Variants in SLC35B4 observed in about 807,000 individuals in gnomAD.
The protein encoded by SLC35B4 is nucleotide sugar transporter SLC35B4.
Under a neutral mutation model 39.5 loss-of-function variants are expected in SLC35B4, and 28 were observed. That is an observed-to-expected ratio of 0.71 (90% CI 0.53 to 0.97). The LOEUF is 0.97. Ranked by LOEUF, SLC35B4 falls within the 50% of genes least tolerant of loss-of-function variation. SLC35B4 has a pLI of 0.00. For synonymous variants in SLC35B4, 145 were observed against 150.4 expected (o/e 0.96, Z 0.26); for missense variants, 334 against 414.3 (o/e 0.81, Z 1.68).
rs979194288 is a variant in SLC35B4 at position 134,292,469 on chromosome 7, G to A, written c.*2364C>T. On this transcript the variant is annotated 3_prime_UTR_variant, in exon 10 of 10. Transcript: ENST00000378509. ...AGACTGGCTGAGGTATTCACGCTGAGATGAATACACATGCTCTAAGACCAG... is the reference window on the plus strand; with the variant it reads ...AGACTGGCTGAGGTATTCACGCTGAAATGAATACACATGCTCTAAGACCAG... The A allele has an allele frequency of 1.3e-5, 2 of 152,144 alleles. No individual in the cohort carries two copies. Among genetic ancestry groups the A allele is most frequent in the South Asian group, 4.1e-4 (2 of 4,830 alleles). The allele number at this position is 152,144 out of a possible 1,614,324, so 9.4% of individuals were successfully genotyped here.
At chr7:134,297,021 A>G (rs1465957728) in intron 8 of SLC35B4, among the ~76,000 whole-genome samples, 1 of 152,218 alleles carries the variant, frequency 6.6e-6, no homozygotes, top group African/African-American at 2.4e-5. Context: ...CCCAGGTTCA[A>G]GTGGTTCTTG....
At chr7:134,303,335 A>G (rs1326374234) in intron 4 of SLC35B4, among the ~76,000 whole-genome samples, 1 of 152,142 alleles carries the variant, frequency 6.6e-6, no homozygotes, top group African/African-American at 2.4e-5. Context: ...CTCTTATAAC[A>G]TGTTCTTTTG....
intron 3 of SLC35B4, among the ~76,000 whole-genome samples, chr7:134,305,214 T>C (rs1450803888): frequency 6.6e-6 from 1 of 151,984 alleles, no homozygotes; most frequent in Non-Finnish European, 1.5e-5. Flanking sequence ...TTCCAGCTAC[T>C]TGGGAGGCTG....
chr7:134,295,151 G>C, intron 9 of SLC35B4, 72 bp from the exon 10 acceptor site: 2 of 1,558,738 alleles, frequency 1.3e-6, no homozygotes, highest in East Asian at 4.5e-5. Flanking sequence ...CTTCTGGCAT[G>C]GTCCCTGGTT....
chr7:134,306,069 C>G (rs1803703115), intron 3 of SLC35B4, among the ~76,000 whole-genome samples: 1 of 152,138 alleles, frequency 6.6e-6, no homozygotes, highest in African/African-American at 2.4e-5. Context: ...ACTATGTTTT[C>G]AATGCTTTGA....
chr7:134,302,643 A>G lies in SLC35B4; in HGVS notation c.345-533T>C, dbSNP rs1159825239. On this transcript the variant is annotated intron_variant, in intron 4 of 9. Coordinates refer to ENST00000378509, the MANE Select transcript of SLC35B4 (RefSeq NM_032826.5). The stretch of plus-strand genomic sequence containing the variant: ...TAACATTGTTTTAAAATGTTGGCAT[A>G]GTTGGATAAGGGGGAGGATATTCAG... Among the ~76,000 whole-genome samples, 5 of 152,164 alleles carry G rather than the reference A, an allele frequency of 3.3e-5. No homozygotes were observed. In the East Asian group the frequency reaches 9.6e-4, roughly 29 times the overall value.
chr7:134,290,416 C>T lies in SLC35B4; in HGVS notation c.*4417G>A, dbSNP rs1226852953. On this transcript the variant is annotated 3_prime_UTR_variant, in exon 10 of 10. Coordinates refer to ENST00000378509, the MANE Select transcript of SLC35B4 (RefSeq NM_032826.5). ...TGAGGGAAGAAGAGATCTTGGCAAGCATTCATTTATTCACATAACATAAGC... is the reference window on the plus strand; with the variant it reads ...TGAGGGAAGAAGAGATCTTGGCAAGTATTCATTTATTCACATAACATAAGC... 2 of 152,328 alleles carry T rather than the reference C, an allele frequency of 1.3e-5. No homozygotes were observed. Among genetic ancestry groups the T allele is most frequent in the East Asian group, 3.9e-4 (2 of 5,170 alleles). The allele number at this position is 152,328 out of a possible 1,614,324, so 9.4% of individuals were successfully genotyped here. A position where few individuals can be genotyped will look rare whatever the true frequency, so the allele number is the denominator to read the frequency against.
intron 3 of SLC35B4, 71 bp from the exon 4 acceptor site, chr7:134,304,925 A>G: frequency 8.5e-7 from 1 of 1,178,564 alleles, no homozygotes; most frequent in Non-Finnish European, 1.3e-6. Context: ...TCGAGAGAAT[A>G]GGAACATGGG....
chr7:134,305,535 G>T (rs1476522166), intron 3 of SLC35B4, among the ~76,000 whole-genome samples: 1 of 152,142 alleles, frequency 6.6e-6, no homozygotes, highest in African/African-American at 2.4e-5. Context: ...AGGGTCAACT[G>T]TAATTGCTCA....
chr7:134,296,600 G>T, intron 8 of SLC35B4, 134 bp from the exon 9 acceptor site: 1 of 624,964 alleles, frequency 1.6e-6, no homozygotes, highest in Non-Finnish European at 2.8e-6. Context: ...ATTGGATCAC[G>T]CATCACTTTA....
chr7:134,306,774 C>G lies in SLC35B4; in HGVS notation c.192G>C (p.Arg64Ser). 1 of 1,609,852 alleles carries G rather than the reference C, an allele frequency of 6.2e-7. No individual in the cohort carries two copies. The highest frequency in any genetic ancestry group is 8.5e-7 in the Non-Finnish European group (1 of 1,176,732). ...LGRKPPAIPI[R>S]YYAIMVTMFF... ...ACATGGTCACCATTATGGCATAGTA[C>G]CTGAAATGCAGACAGAACAGCTCAT... Residue 64 changes from arginine (R) to serine (S), a missense_variant and splice_region_variant, in exon 3 of 10, where the codon AGG becomes AGC. Coordinates refer to ENST00000378509, the MANE Select transcript of SLC35B4 (RefSeq NM_032826.5).
chr7:134,297,109 C>T (rs1049019199), intron 8 of SLC35B4, among the ~76,000 whole-genome samples: 1 of 152,046 alleles, frequency 6.6e-6, no homozygotes, highest in Non-Finnish European at 1.5e-5. Context: ...TTAGTAGAGA[C>T]GGGGTTTCGC....
chr7:134,303,859 CTTTGAAAAA>C (rs913288833), intron 4 of SLC35B4, among the ~76,000 whole-genome samples: 2 of 152,152 alleles, frequency 1.3e-5, no homozygotes, highest in African/African-American at 4.8e-5. Flanking sequence ...CAGACAAAAA[CTTTGAAAAA>C]GCATCCCAGG....
Position 134,291,570 on chromosome 7 carries a change from G to A in SLC35B4, c.*3263C>T, listed in dbSNP as rs1006604011. On this transcript the variant is annotated 3_prime_UTR_variant, in exon 10 of 10. Coordinates refer to ENST00000378509, the MANE Select transcript of SLC35B4 (RefSeq NM_032826.5). ...ACATCACGCCATCTTTCCAGAAGAA[G>A]AGAAGAGGTTTACTCTGGGTGGCAC... is the stretch of plus-strand genomic sequence containing the variant. The A allele has an allele frequency of 1.3e-5, 2 of 152,216 alleles. No individual in the cohort carries two copies. Among genetic ancestry groups the A allele is most frequent in the Non-Finnish European group, 2.9e-5 (2 of 68,050 alleles). 9.4% of individuals were successfully genotyped at this position (152,216 alleles called of 1,614,324 possible).
At chr7:134,318,357 T>C (rs1804041948), upstream of SLC35B4, among the ~76,000 whole-genome samples, 1 of 151,946 alleles carries the variant, frequency 6.6e-6, no homozygotes, top group South Asian at 2.1e-4. Flanking sequence ...TGAAATTCAG[T>C]ATTTAATGAG....
intron 1 of SLC35B4, among the ~76,000 whole-genome samples, chr7:134,316,060 A>C (rs12667905): frequency 0.35 from 53,257 of 151,840 alleles, 11,001 homozygotes; most frequent in South Asian, 0.5. Flanking sequence ...GATCTTCTAC[A>C]TAAAAATCTG....
At chr7:134,308,073 T>C (rs570326030) in intron 2 of SLC35B4, among the ~76,000 whole-genome samples, 3 of 152,290 alleles carry the variant, frequency 2.0e-5, no homozygotes, top group Non-Finnish European at 4.4e-5. Flanking sequence ...ATTTTGTTTA[T>C]GGCTCCACCT....
At chr7:134,314,751 G>C (rs1367487306) in intron 1 of SLC35B4, among the ~76,000 whole-genome samples, 1 of 152,062 alleles carries the variant, frequency 6.6e-6, no homozygotes, top group Non-Finnish European at 1.5e-5. Flanking sequence ...GGCCAGGCTG[G>C]TCTTGAACCC....
At chr7:134,318,077 G>A (rs1327096861), upstream of SLC35B4, among the ~76,000 whole-genome samples, 2 of 152,150 alleles carry the variant, frequency 1.3e-5, no homozygotes, top group African/African-American at 4.8e-5. Flanking sequence ...AGTCTTTCTC[G>A]AGATCTACAA....
Sources: gnomAD v4.1 joint callset for allele counts (sites outside exome capture counted in the v4.1 genomes callset) on GRCh38, gnomAD v4.1.1 for gene constraint, MANE v1.5 for transcripts, NCBI Gene and HGNC (gene_info 2026-07-23, HGNC 2026-07-21) for gene names.